Variants in SYNE1 observed in about 807,000 individuals in gnomAD.
The protein encoded by SYNE1 is nesprin-1.
SYNE1 carries 616 observed loss-of-function variants against 1,111.0 expected under a neutral mutation model. The ratio of observed to expected loss-of-function variants is 0.55; its 90% CI spans 0.52 to 0.59. The LOEUF is 0.59. Among genes scored for constraint, SYNE1 ranks in the 20% least tolerant of loss-of-function variants. The pLI is 0.00. For synonymous variants in SYNE1, 3,855 were observed against 3,825.8 expected (o/e 1.01, Z -0.28); for missense variants, 10,006 against 10,417.0 (o/e 0.96, Z 1.72).
At chr6:152,450,262 G>C (rs907408266) in intron 27 of SYNE1, among the ~76,000 whole-genome samples, 1 of 152,122 alleles carries the variant, frequency 6.6e-6, no homozygotes, top group African/African-American at 2.4e-5. Context: ...TGGCATGATT[G>C]TAAGTTTCCT....
intron 6 of SYNE1, among the ~76,000 whole-genome samples, chr6:152,512,147 G>A (rs902075850): frequency 6.6e-6 from 1 of 152,072 alleles, no homozygotes; most frequent in African/African-American, 2.4e-5. Context: ...ACTCTTGAAA[G>A]TTTAAATTTA....
At chr6:152,276,521 T>A (rs1453357870) in intron 98 of SYNE1, among the ~76,000 whole-genome samples, 1 of 151,842 alleles carries the variant, frequency 6.6e-6, no homozygotes, top group Non-Finnish European at 1.5e-5. Flanking sequence ...AAAAAAAAAA[T>A]ACATAGGTTA....
intron 116 of SYNE1, 23 bp from the exon 117 acceptor site, chr6:152,224,687 C>T (rs1459741874): frequency 1.9e-6 from 3 of 1,606,714 alleles, no homozygotes; most frequent in Non-Finnish European, 2.6e-6. Flanking sequence ...ACAAATATGG[C>T]TTATAATTTC....
chr6:152,323,804 A>G (rs1050150589), intron 81 of SYNE1, 67 bp from the exon 82 acceptor site: 12 of 1,569,490 alleles, frequency 7.6e-6, no homozygotes, highest in Non-Finnish European at 7.0e-6. Flanking sequence ...GGTAACTCCC[A>G]TAAAAGCCAC....
intron 99 of SYNE1, among the ~76,000 whole-genome samples, chr6:152,268,388 TAAA>T (rs11427099): frequency 5.6e-5 from 8 of 142,242 alleles, no homozygotes; most frequent in Admixed American, 1.4e-4. Flanking sequence ...ATCTGGGGGT[TAAA>T]AAAAAAAAAA....
At chr6:152,269,777 T>C (rs534406146) in intron 98 of SYNE1, among the ~76,000 whole-genome samples, 2 of 152,308 alleles carry the variant, frequency 1.3e-5, no homozygotes, top group South Asian at 4.2e-4. Context: ...TAAAAATTTT[T>C]CTAAAAGATT....
intron 3 of SYNE1, among the ~76,000 whole-genome samples, chr6:152,566,985 CTGTGTGTGTGTGTG>C (rs59526151): frequency 3.8e-4 from 56 of 146,650 alleles, no homozygotes; most frequent in African/African-American, 1.2e-3. Context: ...TCTTCACATA[CTGTGTGTGTGTGTG>C]TGTGTGTGTG....
chr6:152,345,470 G>T (rs2096613489), intron 73 of SYNE1, among the ~76,000 whole-genome samples: 1 of 151,918 alleles, frequency 6.6e-6, no homozygotes, highest in South Asian at 2.1e-4. Flanking sequence ...AGTCTAGGAA[G>T]TTGACTAATG....
intron 10 of SYNE1, among the ~76,000 whole-genome samples, chr6:152,500,983 AT>A (rs945587859): frequency 2.0e-5 from 3 of 151,532 alleles, no homozygotes. Context: ...CATATTTTAC[AT>A]TTTTTGGTTT....
intron 47 of SYNE1, among the ~76,000 whole-genome samples, chr6:152,400,847 C>T (rs1476405407): frequency 1.3e-5 from 2 of 151,288 alleles, no homozygotes; most frequent in African/African-American, 4.8e-5. Flanking sequence ...CTTCCAGAGG[C>T]TCCACCCTTT....
chr6:152,427,798 T>C lies in SYNE1; in HGVS notation c.4995A>G (p.Ser1665=), dbSNP rs2098383364. Residue 1665 remains serine (S), a synonymous_variant, in exon 38 of 146, where the codon TCA becomes TCG. Coordinates refer to ENST00000367255, the MANE Select transcript of SYNE1 (RefSeq NM_182961.4). The part of the protein sequence containing the change: ...AHWQRLEKEL[S]SFLTWLERGE... ...CCCGCTCTAACCAGGTCAAAAAGGA[T>C]GATAGTTCTTTCTCTAGCCTAAAGG... is the stretch of plus-strand genomic sequence containing the variant. 3 of 1,613,970 alleles carry C rather than the reference T, an allele frequency of 1.9e-6. No homozygotes were observed. Among genetic ancestry groups the C allele is most frequent in the African/African-American group, 2.7e-5 (2 of 74,918 alleles).
intron 137 of SYNE1, chr6:152,145,572 G>C: frequency 1.2e-6 from 2 of 1,611,510 alleles, no homozygotes; most frequent in Non-Finnish European, 8.5e-7. Context: ...AAAAAGCACA[G>C]TCTAAGTTGA....
chr6:152,411,729 C>CAA (rs1298297318), intron 42 of SYNE1, among the ~76,000 whole-genome samples: 2 of 87,024 alleles, frequency 2.3e-5, no homozygotes, highest in Non-Finnish European at 4.2e-5. Flanking sequence ...ACACACACAC[C>CAA]CCCACACACA....
chr6:152,190,351 G>A (rs566667110), intron 127 of SYNE1, among the ~76,000 whole-genome samples: 35 of 152,202 alleles, frequency 2.3e-4, no homozygotes, highest in African/African-American at 8.2e-4. Context: ...CCCCCTCAAA[G>A]TCATCCACGA....
rs1289357494 is a variant in SYNE1 at position 152,416,976 on chromosome 6, G to C, written c.5461C>G (p.Gln1821Glu). 2 of 1,614,194 alleles carry C rather than the reference G, an allele frequency of 1.2e-6. No individual in the cohort carries two copies. Among genetic ancestry groups the C allele is most frequent in the Non-Finnish European group, 1.7e-6 (2 of 1,180,040 alleles). The change falls in exon 41 of 146, where the codon CAG becomes GAG. Residue 1821 changes from glutamine to glutamate, a missense_variant. Transcript: ENST00000367255. ...AEVESKKGEL[Q>E]SLQGHLAKLG... ...TTTGCTAAGTGACCCTGCAGACTCT[G>C]CAATTCGCCCTTTTTGCTCTCTACT...
At position 152,468,657 on chromosome 6, in the gene SYNE1, G is replaced by A. The variant is rs758997143; in HGVS notation, c.1633-2579C>T. Among the ~76,000 whole-genome samples, 9 of 152,062 alleles carry A rather than the reference G, an allele frequency of 5.9e-5. No homozygotes were observed. The South Asian group carries it at 1.0e-3, about 18-fold the overall frequency. On this transcript the variant is annotated intron_variant, in intron 16 of 145. Coordinates refer to ENST00000367255, the MANE Select transcript of SYNE1 (RefSeq NM_182961.4). ...AAGTATTCTTTCTTTTTTGCAGGAC[G>A]GATAAGTCTGAATTGAGAATTATGA...
Position 152,241,500 on chromosome 6 carries a change from C to CTGTGTGTGTG in SYNE1, c.19893+730_19893+739dup, listed in dbSNP as rs1231628952. On this transcript the variant is annotated intron_variant, in intron 107 of 145. Coordinates refer to ENST00000367255, the MANE Select transcript of SYNE1 (RefSeq NM_182961.4). ...GTAATCATTGCCAATAATGCAAGAGCTGTGTGTGTGTGTGTGTGTGTGTGT... is the reference window on the plus strand; with the variant it reads ...GTAATCATTGCCAATAATGCAAGAGCTGTGTGTGTGTGTGTGTGTGTGTGTGTGTGTGTGT... Among the ~76,000 whole-genome samples, 238 of 74,166 alleles carry CTGTGTGTGTG rather than the reference C, an allele frequency of 3.2e-3. 2 individuals carry two copies. The highest frequency in any genetic ancestry group is 8.0e-3 in the African/African-American group (110 of 13,668). The allele number at this position is 74,166 out of a possible 152,430, so 48.7% of individuals were successfully genotyped here.
intron 73 of SYNE1, among the ~76,000 whole-genome samples, chr6:152,344,522 A>G (rs1468839961): frequency 6.6e-6 from 1 of 152,232 alleles, no homozygotes; most frequent in African/African-American, 2.4e-5. Flanking sequence ...ACATAAAATC[A>G]TTGAAGTTAA....
intron 89 of SYNE1, 121 bp downstream of exon 89, chr6:152,310,275 C>A: frequency 7.0e-7 from 1 of 1,421,142 alleles, no homozygotes; most frequent in Non-Finnish European, 9.6e-7. Flanking sequence ...TACCCTGTCT[C>A]TATTTAAAAA....
Sources: allele counts gnomAD v4.1 joint callset (sites outside exome capture counted in the v4.1 genomes callset), GRCh38; gene constraint gnomAD v4.1.1; transcripts MANE v1.5; gene names NCBI Gene and HGNC (gene_info 2026-07-23, HGNC 2026-07-21).